Variants in CDKL4 observed in about 807,000 individuals in gnomAD.
The protein encoded by CDKL4 is cyclin-dependent kinase-like 4.
Under a neutral mutation model 42.0 loss-of-function variants are expected in CDKL4, and 44 were observed. The observed-to-expected ratio is 1.05, with a 90% CI of 0.82 to 1.35. The LOEUF is 1.35. Ranked by LOEUF, CDKL4 falls within the 40% of genes most tolerant of loss-of-function variation. CDKL4 has a pLI of 0.00. For synonymous variants in CDKL4, 120 were observed against 121.6 expected (o/e 0.99, Z 0.09); for missense variants, 393 against 369.9 (o/e 1.06, Z -0.51).
chr2:39,238,047 G>T (rs1261804934), intron 1 of CDKL4, among the ~76,000 whole-genome samples: 1 of 152,160 alleles, frequency 6.6e-6, no homozygotes, highest in South Asian at 2.1e-4. Flanking sequence ...ACCATTGAAA[G>T]AAATTAAAGA....
At position 39,188,560 on chromosome 2, in the gene CDKL4, C is replaced by CAAAAAAAAAA. The variant is rs34568815; in HGVS notation, c.653-861_653-852dup. On this transcript the variant is annotated intron_variant, in intron 6 of 9. Transcript: ENST00000451199. ...CTGGCAACAGAGTGACAGTCCGTCT[C>CAAAAAAAAAA]AAAAAAAAAAAAAAAAAAAAAAAAA... Among the ~76,000 whole-genome samples the CAAAAAAAAAA allele has an allele frequency of 2.4e-4, 11 of 45,266 alleles. 1 individual carries two copies. Among genetic ancestry groups the CAAAAAAAAAA allele is most frequent in the African/African-American group, 1.4e-3 (11 of 8,044 alleles). 29.7% of individuals were successfully genotyped at this position (45,266 alleles called of 152,430 possible). A position where few individuals can be genotyped will look rare whatever the true frequency, so the allele number is the denominator to read the frequency against.
At chr2:39,237,161 A>G (rs1014737953) in intron 1 of CDKL4, among the ~76,000 whole-genome samples, 1 of 152,240 alleles carries the variant, frequency 6.6e-6, no homozygotes, top group African/African-American at 2.4e-5. Flanking sequence ...TCCTTAACAA[A>G]ATAATTAGCA....
chr2:39,214,683 A>G (rs1417438368), intron 3 of CDKL4, among the ~76,000 whole-genome samples: 14 of 152,230 alleles, frequency 9.2e-5, no homozygotes, highest in Admixed American at 9.2e-4. Flanking sequence ...GAAAAAAGGT[A>G]TACTTGGAAG....
the CDKL4 span, among the ~76,000 whole-genome samples, chr2:39,168,897 C>G: frequency 6.6e-6 from 1 of 151,844 alleles, no homozygotes; most frequent in South Asian, 2.1e-4. Context: ...GCTGGGACTA[C>G]AGGCACATGC....
chr2:39,242,935 T>TA (rs1250217502), intron 1 of CDKL4, among the ~76,000 whole-genome samples: 1 of 151,208 alleles, frequency 6.6e-6, no homozygotes, highest in Non-Finnish European at 1.5e-5. Flanking sequence ...CCATTTCTTC[T>TA]AAAAATACAA....
At chr2:39,168,550 A>G in the CDKL4 span, among the ~76,000 whole-genome samples, 1 of 152,064 alleles carries the variant, frequency 6.6e-6, no homozygotes, top group Non-Finnish European at 1.5e-5. Flanking sequence ...AGCCTGGTCA[A>G]CATGGTGAAA....
At chr2:39,196,750 C>T (rs192617060) in intron 5 of CDKL4, among the ~76,000 whole-genome samples, 15 of 152,230 alleles carry the variant, frequency 9.9e-5, no homozygotes, top group East Asian at 3.9e-4. Context: ...TGGGACTACA[C>T]GTACGTGCTG....
chr2:39,179,669 TC>T (rs1314708618), intron 8 of CDKL4, among the ~76,000 whole-genome samples: 1 of 152,162 alleles, frequency 6.6e-6, no homozygotes, highest in Non-Finnish European at 1.5e-5. Flanking sequence ...CGCAGGAACT[TC>T]CTAGAAATGC....
chr2:39,194,480 A>AAC (rs1287046120), intron 5 of CDKL4, among the ~76,000 whole-genome samples: 2 of 152,164 alleles, frequency 1.3e-5, no homozygotes, highest in Non-Finnish European at 2.9e-5. Flanking sequence ...TCTCAAAACA[A>AAC]ACACACACAC....
chr2:39,175,094 G>A (rs967154943), downstream of CDKL4, among the ~76,000 whole-genome samples: 8 of 152,236 alleles, frequency 5.3e-5, no homozygotes, highest in Admixed American at 6.5e-5. Context: ...TAATCTTCCT[G>A]CTCTTGTGTT....
At chr2:39,169,923 T>G in the CDKL4 span, among the ~76,000 whole-genome samples, 2 of 152,158 alleles carry the variant, frequency 1.3e-5, no homozygotes, top group Non-Finnish European at 2.9e-5. Context: ...CAGGTTGAAG[T>G]GCAGTGGCAC....
At chr2:39,217,323 A>G (rs1030465780) in intron 3 of CDKL4, among the ~76,000 whole-genome samples, 2 of 152,220 alleles carry the variant, frequency 1.3e-5, no homozygotes, top group African/African-American at 4.8e-5. Flanking sequence ...ATGAGACATC[A>G]CAGTTCAAGT....
At chr2:39,214,918 G>A (rs1262051104) in intron 3 of CDKL4, among the ~76,000 whole-genome samples, 1 of 152,130 alleles carries the variant, frequency 6.6e-6, no homozygotes, top group Non-Finnish European at 1.5e-5. Context: ...TTGGGGGTCT[G>A]GGAAACTTAC....
chr2:39,219,307 G>T (rs17023442), intron 3 of CDKL4, among the ~76,000 whole-genome samples: 2,782 of 152,308 alleles, frequency 0.018, 95 homozygotes, highest in African/African-American at 0.062. Flanking sequence ...GAGAATCTAG[G>T]ATTGGATATC....
upstream of CDKL4, among the ~76,000 whole-genome samples, chr2:39,246,696 C>A (rs775481132): frequency 6.6e-6 from 1 of 152,120 alleles, no homozygotes; most frequent in Non-Finnish European, 1.5e-5. Context: ...CTATCAACAA[C>A]CTGGTTTACA....
At chr2:39,225,992 A>T (rs769257384) in intron 2 of CDKL4, 32 bp from the exon 3 acceptor site, 1 of 1,597,986 alleles carries the variant, frequency 6.3e-7, no homozygotes, top group South Asian at 1.1e-5. Context: ...AAGTTAAGTG[A>T]TCTGTTACTA....
Position 39,190,267 on chromosome 2 carries a change from A to T in CDKL4, c.652+38T>A, listed in dbSNP as rs75894729. 1.8e-3 allele frequency: 2,586 copies of T among 1,447,398 alleles called. 47 individuals are homozygous for T. The East Asian group carries it at 0.029, about 16-fold the overall frequency. The allele number at this position is 1,447,398 out of a possible 1,614,324, so 89.7% of individuals were successfully genotyped here. A position where few individuals can be genotyped will look rare whatever the true frequency, so the allele number is the denominator to read the frequency against. ...TATAGTAACATATGAATGCTATAAC[A>T]ATTCAGCAACTCTGTTGCCATAAAA... is the stretch of plus-strand genomic sequence containing the variant. On this transcript the variant is annotated intron_variant, in intron 6 of 9. Transcript: ENST00000451199.
the CDKL4 span, among the ~76,000 whole-genome samples, chr2:39,169,756 C>T: frequency 6.6e-6 from 1 of 152,114 alleles, no homozygotes; most frequent in Admixed American, 6.5e-5. Context: ...AACTTCCAGA[C>T]CAAATGATTT....
upstream of CDKL4, among the ~76,000 whole-genome samples, chr2:39,246,905 A>G (rs2148421946): frequency 6.6e-6 from 1 of 152,092 alleles, no homozygotes; most frequent in East Asian, 1.9e-4. Context: ...GTGCCATTAT[A>G]CTTGGCTAAT....
Sources: allele counts gnomAD v4.1 joint callset (sites outside exome capture counted in the v4.1 genomes callset), GRCh38; gene constraint gnomAD v4.1.1; transcripts MANE v1.5; gene names NCBI Gene and HGNC (gene_info 2026-07-23, HGNC 2026-07-21).